The following VPS13B variants were observed in gnomAD, a reference collection of about 807,000 sequenced individuals.
VPS13B encodes the protein intermembrane lipid transfer protein VPS13B.
VPS13B carries 285 observed loss-of-function variants against 426.4 expected under a neutral mutation model. That is an observed-to-expected ratio of 0.67 (90% confidence interval 0.61 to 0.74). The LOEUF is 0.74. Among genes scored for constraint, VPS13B ranks in the 30% least tolerant of loss-of-function variants. The pLI, the probability that VPS13B is intolerant of heterozygous loss-of-function variation, is 0.00. For missense variants in VPS13B, 4,537 were observed against 4,782.6 expected (o/e 0.95, Z 1.51); for synonymous variants, 1,676 against 1,676.4 (o/e 1.00, Z 0.01).
At chr8:99,366,685 C>CT (rs940589252) in intron 19 of VPS13B, among the ~76,000 whole-genome samples, 3 of 150,844 alleles carry the variant, frequency 2.0e-5, no homozygotes, top group Admixed American at 6.6e-5. Flanking sequence ...ATTTTCCTGT[C>CT]TTTTTTTTAG....
intron 39 of VPS13B, among the ~76,000 whole-genome samples, chr8:99,726,975 C>A (rs947721042): frequency 6.6e-6 from 1 of 152,246 alleles, no homozygotes; most frequent in African/African-American, 2.4e-5. Flanking sequence ...CATTTCTGAT[C>A]ACTTGTGTGT....
At chr8:99,561,904 T>C (rs946310678) in intron 31 of VPS13B, among the ~76,000 whole-genome samples, 1 of 152,174 alleles carries the variant, frequency 6.6e-6, no homozygotes, top group Non-Finnish European at 1.5e-5. Flanking sequence ...CAAGTACCTG[T>C]TTTCACATAT....
chr8:99,546,451 C>T (rs1359216560), intron 30 of VPS13B, among the ~76,000 whole-genome samples: 2 of 151,902 alleles, frequency 1.3e-5, no homozygotes, highest in African/African-American at 4.8e-5. Flanking sequence ...ACGTAGGCGA[C>T]AAGAGGGGAC....
intron 3 of VPS13B, among the ~76,000 whole-genome samples, chr8:99,056,919 C>A (rs1843906853): frequency 6.6e-6 from 1 of 152,116 alleles, no homozygotes; most frequent in African/African-American, 2.4e-5. Context: ...CTTTTTTCAG[C>A]ATGTAAGTCC....
chr8:99,544,889 T>C (rs1308835984), intron 30 of VPS13B, among the ~76,000 whole-genome samples: 1 of 152,176 alleles, frequency 6.6e-6, no homozygotes, highest in Non-Finnish European at 1.5e-5. Flanking sequence ...CCTTTAGATT[T>C]CACCAAATCC....
At chr8:99,679,957 G>A (rs1831093019) in intron 35 of VPS13B, among the ~76,000 whole-genome samples, 1 of 152,102 alleles carries the variant, frequency 6.6e-6, no homozygotes, top group Non-Finnish European at 1.5e-5. Context: ...GGGTTTGTTA[G>A]TTCTGTGTTT....
chr8:99,765,082 C>A (rs1811146032), intron 39 of VPS13B, among the ~76,000 whole-genome samples: 1 of 152,066 alleles, frequency 6.6e-6, no homozygotes, highest in South Asian at 2.1e-4. Context: ...CCCTTCTCTA[C>A]TAAAAATACA....
chr8:99,345,908 A>G (rs1811510733), intron 19 of VPS13B: 2 of 152,316 alleles, frequency 1.3e-5, no homozygotes, highest in African/African-American at 2.4e-5. Context: ...GTGTCTAGCC[A>G]TGCCATCTTA....
chr8:99,632,802 A>C (rs997391229), intron 33 of VPS13B, among the ~76,000 whole-genome samples: 3 of 152,014 alleles, frequency 2.0e-5, no homozygotes, highest in African/African-American at 7.2e-5. Flanking sequence ...TTCAGTTTAA[A>C]TATGATCTAT....
chr8:99,378,435 T>A (rs768889147), intron 19 of VPS13B, among the ~76,000 whole-genome samples: 1 of 152,094 alleles, frequency 6.6e-6, no homozygotes, highest in Non-Finnish European at 1.5e-5. Context: ...ATCCTCAGCT[T>A]ATGAAGATGA....
At chr8:99,533,223 G>T (rs1337003457) in intron 30 of VPS13B, among the ~76,000 whole-genome samples, 1 of 152,138 alleles carries the variant, frequency 6.6e-6, no homozygotes, top group Non-Finnish European at 1.5e-5. Flanking sequence ...ACAGGCATGA[G>T]CCGTCGTACC....
intron 21 of VPS13B, among the ~76,000 whole-genome samples, chr8:99,423,179 T>C (rs1367644402): frequency 3.3e-5 from 5 of 152,214 alleles, no homozygotes; most frequent in Non-Finnish European, 7.3e-5. Context: ...TTTTATAAAT[T>C]GTTTGCATGC....
At chr8:99,837,473 G>A (rs1327550528) in intron 54 of VPS13B, among the ~76,000 whole-genome samples, 1 of 152,148 alleles carries the variant, frequency 6.6e-6, no homozygotes, top group African/African-American at 2.4e-5. Flanking sequence ...ATATTTGACT[G>A]GGGAATTCTT....
At chr8:99,328,211 T>G (rs1156269325) in intron 19 of VPS13B, among the ~76,000 whole-genome samples, 2 of 152,146 alleles carry the variant, frequency 1.3e-5, no homozygotes, top group African/African-American at 2.4e-5. Flanking sequence ...TGTCTGATGA[T>G]CTGAGGTGGA....
Position 99,111,561 on chromosome 8 carries a change from AAAT to A in VPS13B, c.762+287_762+289del, listed in dbSNP as rs554580177. 4.6e-5 allele frequency among the ~76,000 whole-genome samples: 7 copies of A among 151,994 alleles called. No individual in the cohort carries two copies. In the South Asian group the frequency reaches 1.5e-3, roughly 32 times the overall value. ...GTTTCTCTCTTCAAGTAGATAGAGG[AAAT>A]AATATTAAAAGGTATATTTATACCC... On this transcript the variant is annotated intron_variant, in intron 6 of 61. Transcript: ENST00000357162.
At chr8:99,621,334 A>G (rs1295422651) in intron 33 of VPS13B, among the ~76,000 whole-genome samples, 2 of 152,178 alleles carry the variant, frequency 1.3e-5, no homozygotes, top group Non-Finnish European at 2.9e-5. Flanking sequence ...TCAGACCAAA[A>G]TTTTTACAAA....
intron 3 of VPS13B, among the ~76,000 whole-genome samples, chr8:99,086,983 C>T (rs1443235717): frequency 6.6e-6 from 1 of 152,226 alleles, no homozygotes; most frequent in Admixed American, 6.5e-5. Flanking sequence ...CTCTTCAAAG[C>T]TGTCAGACAG....
At position 99,544,158 on chromosome 8, in the gene VPS13B, T is replaced by C. The variant is rs551538564; in HGVS notation, c.4746-12292T>C. Among the ~76,000 whole-genome samples the C allele has an allele frequency of 2.0e-5, 3 of 152,156 alleles. No homozygotes were observed. In the South Asian group the frequency reaches 6.2e-4, roughly 32 times the overall value. ...ATAAAAAATGATGAGTTCACGTCCT[T>C]TGTAGGGACATGGATGAAGCTGGAA... On this transcript the variant is annotated intron_variant, in intron 30 of 61. Coordinates refer to ENST00000357162, the MANE Select transcript of VPS13B (RefSeq NM_152564.5).
At chr8:99,736,790 T>C (rs1187718290) in intron 39 of VPS13B, among the ~76,000 whole-genome samples, 3 of 152,166 alleles carry the variant, frequency 2.0e-5, no homozygotes, top group East Asian at 1.9e-4. Flanking sequence ...TATTTTCTTA[T>C]CTAGTGTCAG....
Sources: allele counts gnomAD v4.1 joint callset (sites outside exome capture counted in the v4.1 genomes callset), GRCh38; gene constraint gnomAD v4.1.1; transcripts MANE v1.5; gene names NCBI Gene and HGNC (gene_info 2026-07-23, HGNC 2026-07-21).